The following SUCLG1 variants were observed in gnomAD, a reference collection of about 807,000 sequenced individuals.
SUCLG1 encodes the protein succinate--CoA ligase [ADP/GDP-forming] subunit alpha, mitochondrial.
In SUCLG1, 26 loss-of-function variants were observed where a neutral mutation model predicts 37.3. The ratio of observed to expected loss-of-function variants is 0.70; its 90% CI spans 0.51 to 0.97. SUCLG1 has a LOEUF of 0.97. SUCLG1 is among the 50% of genes least tolerant of loss of function. The pLI is 0.00. For missense variants in SUCLG1, 433 were observed against 432.9 expected, an observed-to-expected ratio of 1.00 and a Z score of 0.00; for synonymous variants, 163 against 155.6, an observed-to-expected ratio of 1.05 and a Z score of -0.36.
chr2:84,440,601 G>A (rs1280592432), intron 5 of SUCLG1, among the ~76,000 whole-genome samples: 1 of 152,134 alleles, frequency 6.6e-6, no homozygotes, highest in Non-Finnish European at 1.5e-5. Flanking sequence ...AAAAAGACCT[G>A]TACACAAATG....
rs576618977 is a variant in SUCLG1, at chr2:84,425,477, G to A, written c.952C>T (p.Leu318Phe). ...KGGAKEKISA[L>F]QSAGVVVSMS... Reference sequence around the variant, plus strand: ...CTGACCACAACTCCTGCACTCTGAAGGGCAGAGATCTTCTCTTTAGCTCCA... The same window carrying A: ...CTGACCACAACTCCTGCACTCTGAAAGGCAGAGATCTTCTCTTTAGCTCCA... The change falls in exon 8 of 9, where the codon CTT becomes TTT. Residue 318 changes from leucine (L) to phenylalanine (F), a missense_variant. By Grantham distance (22) the Leu-to-Phe change is conservative. Transcript: ENST00000393868. The A allele has an allele frequency of 1.9e-6, 3 of 1,614,202 alleles. No homozygotes were observed. In the South Asian group the frequency reaches 3.3e-5, roughly 18 times the overall value.
chr2:84,425,700 G>A, intron 7 of SUCLG1, 97 bp from the exon 8 acceptor site: 1 of 1,388,032 alleles, frequency 7.2e-7, no homozygotes, highest in Non-Finnish European at 1.0e-6. Context: ...AAATGGCTTG[G>A]GCAGGGGAAA....
chr2:84,451,930 G>C (rs142956129), intron 1 of SUCLG1, among the ~76,000 whole-genome samples: 29 of 152,276 alleles, frequency 1.9e-4, no homozygotes, highest in Middle Eastern at 6.8e-3. Flanking sequence ...CAATGGCAAG[G>C]AAGTGAAATT....
intron 1 of SUCLG1, among the ~76,000 whole-genome samples, chr2:84,457,784 A>G (rs72937156): frequency 0.053 from 8,131 of 152,144 alleles, 479 homozygotes; most frequent in African/African-American, 0.14. Flanking sequence ...TGGTGCTCAA[A>G]CTTTATTGAC....
chr2:84,447,196 T>C (rs573817277), intron 2 of SUCLG1, among the ~76,000 whole-genome samples: 109 of 152,340 alleles, frequency 7.2e-4, no homozygotes, highest in African/African-American at 2.5e-3. Context: ...TGAGACAATA[T>C]GCAGATTTAC....
At chr2:84,440,404 T>G (rs904868158) in intron 5 of SUCLG1, among the ~76,000 whole-genome samples, 4 of 152,120 alleles carry the variant, frequency 2.6e-5, no homozygotes, top group Non-Finnish European at 4.4e-5. Flanking sequence ...ACCAAATCTT[T>G]GTGAAGATAT....
intron 1 of SUCLG1, among the ~76,000 whole-genome samples, chr2:84,453,815 G>GCCA (rs1282153911): frequency 6.6e-6 from 1 of 152,214 alleles, no homozygotes; most frequent in Non-Finnish European, 1.5e-5. Context: ...CACATCCTAG[G>GCCA]CCACCTCCTT....
Position 84,443,358 on chromosome 2 carries a change from G to A in SUCLG1, c.244C>T (p.Leu82Phe). The change falls in exon 3 of 9, where the codon CTC becomes TTC. Residue 82 changes from leucine (L) to phenylalanine (F), a missense_variant. Leu to Phe is a conservative substitution (Grantham distance 22, BLOSUM62 0). Transcript: ENST00000393868. ...TTCCCTGGAGTGGTTCCTCCAACGAGTTTGGTGCCATATTCCAATGCCTGC... is the reference window on the plus strand; with the variant it reads ...TTCCCTGGAGTGGTTCCTCCAACGAATTTGGTGCCATATTCCAATGCCTGC... ...SQQALEYGTK[L>F]VGGTTPGKGG... 1 of 1,614,142 alleles carries A rather than the reference G, an allele frequency of 6.2e-7. No individual in the cohort carries two copies. Among genetic ancestry groups the A allele is most frequent in the Non-Finnish European group, 8.5e-7 (1 of 1,180,004 alleles).
In SUCLG1 at chr2:84,451,890, C is replaced by T. The variant is rs182452683; in HGVS notation, c.98-2138G>A. 1.2e-4 allele frequency among the ~76,000 whole-genome samples: 18 copies of T among 152,280 alleles called. 1 individual carries two copies. Among genetic ancestry groups the T allele is most frequent in the Admixed American group, 9.8e-4 (15 of 15,298 alleles). On this transcript the variant is annotated intron_variant, in intron 1 of 8. Transcript: ENST00000393868. ...TAAGCTGGAACTAACAGACTATTAT[C>T]GTCTTACAGGCAAATCCAAGAAATG...
chr2:84,440,864 G>A lies in SUCLG1; in HGVS notation c.589+183C>T, dbSNP rs17025046. Among the ~76,000 whole-genome samples, 8,801 of 152,144 alleles carry A rather than the reference G, an allele frequency of 0.058. 568 individuals are homozygous for A. Among genetic ancestry groups the A allele is most frequent in the African/African-American group, 0.16 (6,550 of 41,492 alleles). On this transcript the variant is annotated intron_variant, in intron 5 of 8. Coordinates refer to ENST00000393868, the MANE Select transcript of SUCLG1 (RefSeq NM_003849.4). ...TTCACTGATTCTGCAGAATTGTAAC[G>A]GCTTCTCAAATAAACTCATTATATT...
intron 1 of SUCLG1, 130 bp downstream of exon 1, chr2:84,459,043 A>C: frequency 1.1e-6 from 1 of 926,394 alleles, no homozygotes; most frequent in South Asian, 1.9e-5. Flanking sequence ...CGAAGCCGGA[A>C]TCCCAAGCGG....
Position 84,443,285 on chromosome 2 carries a change from T to G in SUCLG1, c.317A>C (p.Glu106Ala). ...LGLPVFNTVK[E>A]AKEQTGATAS... The stretch of plus-strand genomic sequence containing the variant: ...CCAAACTCAGGTACCACTAATTACC[T>G]CCTTCACAGTATTAAAGACAGGTAA... Residue 106 changes from glutamate to alanine, a missense_variant and splice_region_variant, in exon 3 of 9, where the codon GAG (glutamate) becomes GCG (alanine). Glu to Ala is a moderately radical substitution (Grantham distance 107). Coordinates refer to ENST00000393868, the MANE Select transcript of SUCLG1 (RefSeq NM_003849.4). The G allele has an allele frequency of 8.7e-6, 14 of 1,613,474 alleles. No homozygotes were observed. Among genetic ancestry groups the G allele is most frequent in the Non-Finnish European group, 1.2e-5 (14 of 1,179,402 alleles).
intron 1 of SUCLG1, among the ~76,000 whole-genome samples, chr2:84,455,351 G>A (rs970676286): frequency 5.9e-5 from 9 of 152,004 alleles, no homozygotes; most frequent in Non-Finnish European, 2.9e-5. Flanking sequence ...AAAATTAGCC[G>A]GACATGGTGG....
chr2:84,435,707 G>A (rs1362538888), intron 5 of SUCLG1, among the ~76,000 whole-genome samples: 3 of 152,204 alleles, frequency 2.0e-5, no homozygotes, highest in Admixed American at 1.3e-4. Context: ...CACACAAGGA[G>A]ACTGCTTAAA....
At chr2:84,424,482 C>T (rs1231142338) in intron 8 of SUCLG1, among the ~76,000 whole-genome samples, 2 of 152,102 alleles carry the variant, frequency 1.3e-5, no homozygotes, top group African/African-American at 4.8e-5. Flanking sequence ...CACTTTGGCA[C>T]ATAGTGTTAT....
At chr2:84,447,637 G>A (rs1051748381) in intron 2 of SUCLG1, among the ~76,000 whole-genome samples, 3 of 152,026 alleles carry the variant, frequency 2.0e-5, no homozygotes, top group Admixed American at 2.0e-4. Flanking sequence ...ACTGGGAAGG[G>A]GATAATAGAA....
chr2:84,435,412 G>A (rs1672672995), intron 5 of SUCLG1, among the ~76,000 whole-genome samples: 1 of 152,138 alleles, frequency 6.6e-6, no homozygotes, highest in South Asian at 2.1e-4. Context: ...GAGTATTTCT[G>A]GGGTAGAAAC....
Position 84,441,604 on chromosome 2 carries a change from C to T in SUCLG1, c.319-145G>A, listed in dbSNP as rs62154542. Reference sequence around the variant, plus strand: ...AGCATTCTTCCCATTCTCAAATTTGCTACACTGTCAGAGTAGAACAGAATC... The same window carrying T: ...AGCATTCTTCCCATTCTCAAATTTGTTACACTGTCAGAGTAGAACAGAATC... On this transcript the variant is annotated intron_variant, in intron 3 of 8. Transcript: ENST00000393868. 396 of 971,882 alleles carry T rather than the reference C, an allele frequency of 4.1e-4. 1 individual carries two copies. The highest frequency in any genetic ancestry group is 1.1e-3 in the Admixed American group (54 of 48,752). 60.2% of individuals were successfully genotyped at this position (971,882 alleles called of 1,614,324 possible).
At chr2:84,423,813 T>C in intron 8 of SUCLG1, 41 bp from the exon 9 acceptor site, 1 of 1,584,550 alleles carries the variant, frequency 6.3e-7, no homozygotes, top group Non-Finnish European at 8.6e-7. Flanking sequence ...ATGGAATGAA[T>C]AAAGATAAAA....
Sources: gnomAD v4.1 joint callset for allele counts (sites outside exome capture counted in the v4.1 genomes callset) on GRCh38, gnomAD v4.1.1 for gene constraint, MANE v1.5 for transcripts, NCBI Gene and HGNC (gene_info 2026-07-23, HGNC 2026-07-21) for gene names.